Variants in PIK3R4 observed in about 807,000 individuals in gnomAD.
PIK3R4 encodes phosphoinositide-3-kinase regulatory subunit 4, also known as phosphoinositide 3-kinase regulatory subunit 4.
In PIK3R4, 46 loss-of-function variants were observed where a neutral mutation model predicts 136.5. The ratio of observed to expected loss-of-function variants is 0.34; its 90% CI spans 0.27 to 0.43. The LOEUF is 0.43. Ranked by LOEUF, PIK3R4 falls within the 20% of genes least tolerant of loss-of-function variation. PIK3R4 has a pLI of 1.00. For synonymous variants in PIK3R4, 557 were observed against 566.7 expected (o/e 0.98, Z 0.24); for missense variants, 1,331 against 1,649.5 (o/e 0.81, Z 3.35).
Position 130,686,200 on chromosome 3 carries a change from A to T in PIK3R4, c.3475+11T>A. On this transcript the variant is annotated intron_variant, in intron 15 of 19. Transcript: ENST00000356763. ...TTCAAAACCCAGCCAATGACTTGAA[A>T]GTTAGCTTACCAATGCAGAGCCAGC... 6.3e-7 allele frequency: 1 copy of T among 1,584,500 alleles called. No homozygotes were observed. Among genetic ancestry groups the T allele is most frequent in the Non-Finnish European group, 8.7e-7 (1 of 1,153,310 alleles).
intron 15 of PIK3R4, among the ~76,000 whole-genome samples, chr3:130,684,660 T>C (rs1217956054): frequency 1.3e-5 from 2 of 152,242 alleles, no homozygotes; most frequent in Admixed American, 6.5e-5. Flanking sequence ...TTGTTATTAA[T>C]TGCCGAAGGC....
chr3:130,680,185 C>G (rs764342266), intron 19 of PIK3R4, among the ~76,000 whole-genome samples: 9 of 151,970 alleles, frequency 5.9e-5, no homozygotes, highest in African/African-American at 9.7e-5. Flanking sequence ...ATTTACAGAG[C>G]ACCTACTTTG....
chr3:130,681,346 T>C, intron 17 of PIK3R4, 145 bp downstream of exon 17: 1 of 649,662 alleles, frequency 1.5e-6, no homozygotes, highest in Non-Finnish European at 2.8e-6. Flanking sequence ...CATGTAGCAA[T>C]GGCCACATGA....
In PIK3R4 at chr3:130,688,660, G is replaced by GT. The variant is rs966676876; in HGVS notation, c.3263+1829dup. ...ATTATTCTACTATATAAGTGTACTA[G>GT]TTTTTTTTTGAAGCTGAGGCATTTT... On this transcript the variant is annotated intron_variant, in intron 14 of 19. Transcript: ENST00000356763. 2.0e-4 allele frequency among the ~76,000 whole-genome samples: 31 copies of GT among 151,474 alleles called. No homozygotes were observed. In the South Asian group the frequency reaches 4.4e-3, roughly 21 times the overall value.
intron 13 of PIK3R4, among the ~76,000 whole-genome samples, chr3:130,701,694 T>G (rs967472245): frequency 5.3e-5 from 8 of 152,146 alleles, no homozygotes; most frequent in African/African-American, 1.9e-4. Context: ...ATGGAATGGT[T>G]CATTTAAGAT....
At chr3:130,719,263 C>T (rs776005533) in intron 7 of PIK3R4, among the ~76,000 whole-genome samples, 23 of 152,156 alleles carry the variant, frequency 1.5e-4, no homozygotes, top group Non-Finnish European at 1.6e-4. Context: ...TTAGACTAAC[C>T]TGATTTAGAA....
intron 4 of PIK3R4, among the ~76,000 whole-genome samples, chr3:130,731,226 CAA>C (rs530808138): frequency 1.8e-4 from 27 of 152,334 alleles, no homozygotes; most frequent in African/African-American, 5.3e-4. Context: ...CACAACCGGT[CAA>C]AGACTGTACT....
At chr3:130,729,885 T>C (rs1477749108) in intron 5 of PIK3R4, among the ~76,000 whole-genome samples, 2 of 152,148 alleles carry the variant, frequency 1.3e-5, no homozygotes, top group Non-Finnish European at 2.9e-5. Flanking sequence ...TTTACCATCA[T>C]CACATCTGTT....
intron 6 of PIK3R4, among the ~76,000 whole-genome samples, chr3:130,727,411 G>A (rs2066738657): frequency 6.6e-6 from 1 of 152,104 alleles, no homozygotes; most frequent in African/African-American, 2.4e-5. Context: ...TTTTAGTAGA[G>A]ACGGGGTTTC....
intron 2 of PIK3R4, among the ~76,000 whole-genome samples, chr3:130,737,479 G>A (rs994093113): frequency 6.6e-6 from 1 of 152,290 alleles, no homozygotes; most frequent in East Asian, 1.9e-4. Flanking sequence ...GGCCAACACA[G>A]TGAAACCCTA....
intron 13 of PIK3R4, among the ~76,000 whole-genome samples, chr3:130,701,200 C>T (rs546127241): frequency 6.6e-6 from 1 of 152,160 alleles, no homozygotes; most frequent in South Asian, 2.1e-4. Context: ...TGAAGAGGTA[C>T]TTAAAATGCT....
At chr3:130,697,977 A>C (rs995776351) in intron 13 of PIK3R4, among the ~76,000 whole-genome samples, 6 of 152,148 alleles carry the variant, frequency 3.9e-5, no homozygotes, top group African/African-American at 1.2e-4. Context: ...TTGGTTTCTG[A>C]AGGACAATTT....
rs751177068 is a variant in PIK3R4 at position 130,734,097 on chromosome 3, G to A, written c.901C>T (p.Arg301Cys). 2 of 1,613,650 alleles carry A rather than the reference G, an allele frequency of 1.2e-6. No individual in the cohort carries two copies. The highest frequency in any genetic ancestry group is 1.7e-6 in the Non-Finnish European group (2 of 1,179,688). ...TTTAAGTAATCTTCTGCCTCTAAACGTTTATCTGGCTCACGGTGAATCATC... is the reference window on the plus strand; with the variant it reads ...TTTAAGTAATCTTCTGCCTCTAAACATTTATCTGGCTCACGGTGAATCATC... ...TQMIHREPDK[R>C]LEAEDYLKQQ... Residue 301 changes from arginine (R) to cysteine (C), a missense_variant, in exon 4 of 20, where the codon CGT becomes TGT. Coordinates refer to ENST00000356763, the MANE Select transcript of PIK3R4 (RefSeq NM_014602.3).
chr3:130,702,100 C>A (rs909432332), intron 13 of PIK3R4, among the ~76,000 whole-genome samples: 1 of 151,966 alleles, frequency 6.6e-6, no homozygotes, highest in Non-Finnish European at 1.5e-5. Context: ...TATGATCAGG[C>A]CACTGCACTC....
chr3:130,680,258 A>G (rs1363656364), intron 19 of PIK3R4, among the ~76,000 whole-genome samples: 1 of 152,188 alleles, frequency 6.6e-6, no homozygotes, highest in Admixed American at 6.5e-5. Context: ...TACAAACTTT[A>G]CAGTCCCAAA....
Position 130,718,497 on chromosome 3 carries a change from A to G in PIK3R4, c.2019T>C (p.Tyr673=). ...CCACTGTGATAAATCCCACGGCACC[A>G]TAACGTATCCATAAATTGGGATGAC... ...FLCHPNLWIR[Y]GAVGFITVVA... The change falls in exon 8 of 20, where the codon TAT becomes TAC. Residue 673 remains tyrosine, a synonymous_variant. Transcript: ENST00000356763. 1 of 1,613,974 alleles carries G rather than the reference A, an allele frequency of 6.2e-7. No individual in the cohort carries two copies. Among genetic ancestry groups the G allele is most frequent in the Non-Finnish European group, 8.5e-7 (1 of 1,179,868 alleles).
At chr3:130,688,092 T>G (rs1054226086) in intron 14 of PIK3R4, among the ~76,000 whole-genome samples, 1 of 152,218 alleles carries the variant, frequency 6.6e-6, no homozygotes, top group African/African-American at 2.4e-5. Context: ...TTTATGCCTA[T>G]GCATACACAA....
intron 7 of PIK3R4, among the ~76,000 whole-genome samples, chr3:130,719,418 T>A (rs1160228570): frequency 6.6e-6 from 1 of 152,176 alleles, no homozygotes; most frequent in Admixed American, 6.5e-5. Flanking sequence ...AGGAATACAA[T>A]CATAGGCTAA....
intron 17 of PIK3R4, 52 bp from the exon 18 acceptor site, chr3:130,681,117 A>AATG: frequency 2.0e-6 from 2 of 986,210 alleles, no homozygotes; most frequent in Non-Finnish European, 3.3e-6. Context: ...GTATTCCATA[A>AATG]ATGATAGTGC....
Sources: gnomAD v4.1 joint callset for allele counts (sites outside exome capture counted in the v4.1 genomes callset) on GRCh38, gnomAD v4.1.1 for gene constraint, MANE v1.5 for transcripts, NCBI Gene and HGNC (gene_info 2026-07-23, HGNC 2026-07-21) for gene names.